Variants in RFX7 observed in about 807,000 individuals in gnomAD.
RFX7 encodes DNA-binding protein RFX7.
In RFX7, 26 loss-of-function variants were observed where a neutral mutation model predicts 111.8. That is an observed-to-expected ratio of 0.23 (90% CI 0.17 to 0.32). The LOEUF (loss-of-function observed/expected upper bound fraction) is 0.32. Among genes scored for constraint, RFX7 ranks in the 10% least tolerant of loss-of-function variants. RFX7 has a pLI of 1.00. For synonymous variants in RFX7, 624 were observed against 624.4 expected, an observed-to-expected ratio of 1.00 and a Z score of 0.01; for missense variants, 1,573 against 1,772.9, an observed-to-expected ratio of 0.89 and a Z score of 2.02.
At chr15:56,133,939 ACC>A (rs2042252357) in intron 5 of RFX7, among the ~76,000 whole-genome samples, 2 of 152,148 alleles carry the variant, frequency 1.3e-5, no homozygotes, top group Admixed American at 1.3e-4. Flanking sequence ...TCTTACAATA[ACC>A]ATATTATTTG....
chr15:56,243,225 G>C lies in RFX7; in HGVS notation c.61C>G (p.Pro21Ala). ...QQPDAHQQLP[P>A]SAPNSGVALP... Reference sequence around the variant, plus strand: ...GCCACCCCCGAGTTGGGGGCGCTGGGGGGAAGCTGCTGATGGGCATCAGGC... The same window carrying C: ...GCCACCCCCGAGTTGGGGGCGCTGGCGGGAAGCTGCTGATGGGCATCAGGC... Residue 21 changes from proline (P) to alanine (A), a missense_variant, in exon 2 of 10, where the codon CCC (proline) becomes GCC (alanine). Physicochemically the swap from Pro to Ala is conservative, Grantham distance 27. This residue lies in a region of RFX7 where 191 missense variants were observed against 194.2 expected (regional missense o/e 0.98). Transcript: ENST00000559447. 1.5e-6 allele frequency: 2 copies of C among 1,329,710 alleles called. No homozygotes were observed. The highest frequency in any genetic ancestry group is 2.0e-6 in the Non-Finnish European group (2 of 1,003,436). The allele number at this position is 1,329,710 out of a possible 1,614,324, so 82.4% of individuals were successfully genotyped here. A position where few individuals can be genotyped will look rare whatever the true frequency, so the allele number is the denominator to read the frequency against.
chr15:56,094,659 C>A lies in RFX7; in HGVS notation c.3069G>T (p.Pro1023=). 2 of 1,613,884 alleles carry A rather than the reference C, an allele frequency of 1.2e-6. No homozygotes were observed. The change falls in exon 10 of 10, where the codon CCG becomes CCT. Residue 1023 remains proline (P), a synonymous_variant. Coordinates refer to ENST00000559447, the MANE Select transcript of RFX7 (RefSeq NM_022841.7). Reference sequence around the variant, plus strand: ...TGGAGCTTATTGGAGTGAATGCAAACGGATTCCTGCATTCAACAGGGCTGG... The same window carrying A: ...TGGAGCTTATTGGAGTGAATGCAAAAGGATTCCTGCATTCAACAGGGCTGG... ...VPPSPVECRN[P]FAFTPISSSM...
chr15:56,209,172 A>G (rs1266107468), intron 2 of RFX7, among the ~76,000 whole-genome samples: 1 of 152,038 alleles, frequency 6.6e-6, no homozygotes, highest in Non-Finnish European at 1.5e-5. Flanking sequence ...AAAAATCTTG[A>G]AAGAAGCTAG....
intron 2 of RFX7, among the ~76,000 whole-genome samples, chr15:56,183,685 A>G (rs536286182): frequency 6.6e-6 from 1 of 152,272 alleles, no homozygotes; most frequent in Non-Finnish European, 1.5e-5. Flanking sequence ...AGTCTTGACA[A>G]TTCTTGGACC....
chr15:56,198,664 T>C (rs1240950530), intron 2 of RFX7, among the ~76,000 whole-genome samples: 3 of 152,080 alleles, frequency 2.0e-5, no homozygotes, highest in African/African-American at 7.2e-5. Flanking sequence ...TTGAGAGATA[T>C]CCACCAGTAG....
intron 2 of RFX7, among the ~76,000 whole-genome samples, chr15:56,208,411 A>G: frequency 6.6e-6 from 1 of 152,098 alleles, no homozygotes; most frequent in East Asian, 1.9e-4. Flanking sequence ...AGACCTCAAG[A>G]TAACATTATA....
intron 2 of RFX7, among the ~76,000 whole-genome samples, chr15:56,224,525 T>C (rs1290691249): frequency 6.8e-6 from 1 of 147,996 alleles, no homozygotes; most frequent in Non-Finnish European, 1.5e-5. Flanking sequence ...GTATTAACTA[T>C]ACGGCATTTT....
chr15:56,163,562 T>C (rs2042749545), intron 3 of RFX7, among the ~76,000 whole-genome samples: 1 of 152,142 alleles, frequency 6.6e-6, no homozygotes, highest in Non-Finnish European at 1.5e-5. Flanking sequence ...AATTTAAAAG[T>C]AAAACATATG....
intron 3 of RFX7, among the ~76,000 whole-genome samples, chr15:56,174,291 A>G (rs747060319): frequency 7.9e-5 from 12 of 152,176 alleles, no homozygotes; most frequent in Non-Finnish European, 1.6e-4. Context: ...AAAAAACCCA[A>G]AAAGTTGAAT....
intron 3 of RFX7, among the ~76,000 whole-genome samples, chr15:56,166,666 T>G (rs1567034429): frequency 6.6e-6 from 1 of 152,210 alleles, no homozygotes; most frequent in South Asian, 2.1e-4. Context: ...TGGAACATAC[T>G]GCACAAATAA....
intron 2 of RFX7, among the ~76,000 whole-genome samples, chr15:56,181,968 A>C (rs1408452601): frequency 1.3e-5 from 2 of 151,920 alleles, no homozygotes; most frequent in Non-Finnish European, 2.9e-5. Flanking sequence ...CCTATTGTGA[A>C]CTGTGCATGT....
rs775815253 is a variant in RFX7, at chr15:56,094,151, C to T, written c.3577G>A (p.Val1193Met). 5.0e-6 allele frequency: 8 copies of T among 1,613,894 alleles called. No homozygotes were observed. The highest frequency in any genetic ancestry group is 6.8e-6 in the Non-Finnish European group (8 of 1,179,866). Reference sequence around the variant, plus strand: ...GTAACTGGACTTCCAAAGGGGGTCACATTAGATCGTGGGATATTAGATACT... The same window carrying T: ...GTAACTGGACTTCCAAAGGGGGTCATATTAGATCGTGGGATATTAGATACT... ...YPVSNIPRSN[V>M]TPFGSPVTPE... is the part of the protein sequence containing the mutation. Residue 1193 changes from valine to methionine, a missense_variant, in exon 10 of 10, where the codon GTG (valine) becomes ATG (methionine). Transcript: ENST00000559447.
intron 3 of RFX7, among the ~76,000 whole-genome samples, chr15:56,149,828 C>G (rs138469748): frequency 6.6e-6 from 1 of 152,010 alleles, no homozygotes; most frequent in East Asian, 1.9e-4. Flanking sequence ...TTTGCCATAC[C>G]CCAGTGGCAT....
chr15:56,203,214 G>A (rs1275859679), intron 2 of RFX7, among the ~76,000 whole-genome samples: 6 of 152,130 alleles, frequency 3.9e-5, no homozygotes, highest in Admixed American at 1.3e-4. Context: ...ATGACAACCT[G>A]GAACAGATAG....
chr15:56,244,037 G>A (rs1448638831), upstream of RFX7: 3 of 151,086 alleles, frequency 2.0e-5, no homozygotes, highest in African/African-American at 7.3e-5. Flanking sequence ...CTGGGGGCCG[G>A]GAGGAGTCCG....
intron 2 of RFX7, among the ~76,000 whole-genome samples, chr15:56,216,192 C>G (rs2043361508): frequency 6.6e-6 from 1 of 152,090 alleles, no homozygotes; most frequent in Admixed American, 6.6e-5. Flanking sequence ...GAATTCCTTC[C>G]TAAGTTCTGA....
In RFX7 at chr15:56,123,831, C is replaced by T. The variant is rs114573546; in HGVS notation, c.401+18947G>A. On this transcript the variant is annotated intron_variant, in intron 5 of 9. Transcript: ENST00000559447. ...CTGGCTGAGTTCTGCCCACTGTTGG[C>T]GGCACTGAGTTCCAATGCAAAGTTC... Among the ~76,000 whole-genome samples, 852 of 152,246 alleles carry T rather than the reference C, an allele frequency of 5.6e-3. 6 individuals carry two copies. Among genetic ancestry groups the T allele is most frequent in the African/African-American group, 0.019 (798 of 41,536 alleles).
chr15:56,238,399 T>C (rs893496008), intron 2 of RFX7, among the ~76,000 whole-genome samples: 1 of 152,202 alleles, frequency 6.6e-6, no homozygotes, highest in African/African-American at 2.4e-5. Context: ...ATAATTCTAC[T>C]TTTATTATAA....
intron 2 of RFX7, among the ~76,000 whole-genome samples, chr15:56,180,631 C>A (rs921309980): frequency 6.6e-6 from 1 of 151,400 alleles, no homozygotes; most frequent in Non-Finnish European, 1.5e-5. Flanking sequence ...ACTGGCCAGG[C>A]GTGGTGGCTC....
Sources: allele counts gnomAD v4.1 joint callset (sites outside exome capture counted in the v4.1 genomes callset), GRCh38; gene constraint gnomAD v4.1.1; regional missense constraint gnomAD v4.1.1; transcripts MANE v1.5; gene names NCBI Gene and HGNC (gene_info 2026-07-23, HGNC 2026-07-21).